The following PDLIM2 variants were observed in gnomAD, a reference collection of about 807,000 sequenced individuals.
PDLIM2 encodes the protein PDZ and LIM domain 2.
A neutral mutation model predicts 54.1 loss-of-function variants in PDLIM2; 51 were observed. The ratio of observed to expected loss-of-function variants is 0.94; its 90% CI spans 0.75 to 1.19. The LOEUF (loss-of-function observed/expected upper bound fraction) is 1.19, where lower values mean the gene tolerates loss of function less well. Among genes scored for constraint, PDLIM2 ranks in the 50% most tolerant of loss-of-function variants. The pLI is 0.00. For missense variants in PDLIM2, 912 were observed against 874.0 expected (o/e 1.04, Z -0.55); for synonymous variants, 398 against 385.6 (o/e 1.03, Z -0.38).
chr8:22,579,417 G>A, exon 1 of PDLIM2: 10 of 1,514,312 alleles, frequency 6.6e-6, no homozygotes, highest in Non-Finnish European at 8.8e-6. Flanking sequence ...CCAGCCCGCA[G>A]GGTACTTTGC....
intron 2 of PDLIM2, chr8:22,581,021 G>A (rs1800181517): frequency 1.5e-6 from 1 of 657,674 alleles, no homozygotes; most frequent in African/African-American, 1.8e-5. Flanking sequence ...GTCTCCTCTT[G>A]ACCTGGGCCC....
At chr8:22,591,821 T>C (rs1251006943) in intron 9 of PDLIM2, 153 bp downstream of exon 8, 2 of 661,112 alleles carry the variant, frequency 3.0e-6, no homozygotes, top group African/African-American at 3.7e-5. Context: ...TGCACAGCTT[T>C]GGGGGCATTA....
In PDLIM2 at chr8:22,585,081, C is replaced by T. The variant is rs977448506; in HGVS notation, c.1130C>T (p.Ser377Phe). 2.2e-5 allele frequency: 35 copies of T among 1,613,914 alleles called. 1 individual carries two copies. The highest frequency in any genetic ancestry group is 3.3e-5 in the South Asian group (3 of 91,096). Residue 377 changes from serine to phenylalanine, a missense_variant, in exon 5 of 10, where the codon TCC becomes TTC. By Grantham distance (155) the Ser-to-Phe change is radical. Transcript: ENST00000308354. ...AGGTCCTCCTACTCCAGCCCAACCT[C>T]CCTCAGCCCGAGGGCCGGCAGCCCC...
At chr8:22,589,916 T>C in intron 8 of PDLIM2, 175 bp downstream of exon 7, 1 of 362,420 alleles carries the variant, frequency 2.8e-6, no homozygotes, top group Admixed American at 6.5e-5. Context: ...GAGCTGACGG[T>C]CCGGGAGGGT....
At chr8:22,579,508 G>A in exon 1 of PDLIM2, 2 of 1,509,248 alleles carry the variant, frequency 1.3e-6, no homozygotes, top group East Asian at 2.7e-5. Flanking sequence ...GCAGCGCGGA[G>A]TCCACTGACC....
chr8:22,594,411 C>T, downstream of PDLIM2: 1 of 1,576,940 alleles, frequency 6.3e-7, no homozygotes, highest in Non-Finnish European at 8.6e-7. Flanking sequence ...TTTTCCCTCC[C>T]TCAAATCCCA....
chr8:22,580,894 G>A (rs1289172701), intron 2 of PDLIM2, 197 bp downstream of exon 1: 48 of 727,416 alleles, frequency 6.6e-5, no homozygotes, highest in South Asian at 1.2e-4. Context: ...GACCTTGGGA[G>A]TGAAAGGGAG....
At chr8:22,587,342 G>C (rs1198694154) in intron 6 of PDLIM2, among the ~76,000 whole-genome samples, 2 of 151,998 alleles carry the variant, frequency 1.3e-5, no homozygotes, top group East Asian at 3.9e-4. Context: ...GACCAGTTTG[G>C]GCAACATAGT....
At chr8:22,585,336 A>T in exon 6 of PDLIM2, 1 of 1,612,896 alleles carries the variant, frequency 6.2e-7, no homozygotes, top group Non-Finnish European at 8.5e-7. Context: ...AGAGTCTGGC[A>T]TGTTCCCCGG....
chr8:22,587,645 T>G (rs75622036), intron 6 of PDLIM2: 7,015 of 152,110 alleles, frequency 0.046, 236 homozygotes, highest in African/African-American at 0.092. Flanking sequence ...GTCTCTTCTG[T>G]GAAGGCAAGG....
chr8:22,590,087 G>A, intron 8 of PDLIM2: 1 of 296,886 alleles, frequency 3.4e-6, no homozygotes, highest in Non-Finnish European at 6.4e-6. Flanking sequence ...CTTGGCCTTA[G>A]AAAAAACATC....
chr8:22,589,208 C>T (rs1003193573), intron 6 of PDLIM2, 90 bp from the exon 6 acceptor site: 93 of 1,407,546 alleles, frequency 6.6e-5, no homozygotes, highest in Middle Eastern at 2.4e-4. Flanking sequence ...CCCCTGGTGT[C>T]GGGCCTGGGA....
chr8:22,579,131 G>C (rs1800113907), exon 1 of PDLIM2: 2 of 1,306,890 alleles, frequency 1.5e-6, no homozygotes, highest in Non-Finnish European at 1.9e-6. Flanking sequence ...GCTCTCCCCA[G>C]AGTCGGGTAG....
intron 6 of PDLIM2, among the ~76,000 whole-genome samples, chr8:22,585,975 A>G (rs368357842): frequency 3.3e-5 from 5 of 151,810 alleles, no homozygotes; most frequent in African/African-American, 1.2e-4. Flanking sequence ...CCCTGGTGAC[A>G]GCCTAACCCC....
chr8:22,593,928 C>G lies in PDLIM2; in HGVS notation c.*18C>G, dbSNP rs2117373217. ...GGGCCTGAGCCCGCCATGCCCTCAG[C>G]CTGCCTCACTGCTGGGCCAGGGTCA... On this transcript the variant is annotated 3_prime_UTR_variant, in exon 10 of 10. Transcript: ENST00000308354. The G allele has an allele frequency of 2.6e-6, 4 of 1,546,118 alleles. No individual in the cohort carries two copies. In the South Asian group the frequency reaches 4.8e-5, roughly 18 times the overall value.
At chr8:22,594,815 G>A, downstream of PDLIM2, 1 of 1,152,992 alleles carries the variant, frequency 8.7e-7, no homozygotes, top group Non-Finnish European at 1.2e-6. Context: ...TTTAGGCCCA[G>A]GTACTGGGGA....
At chr8:22,589,676 G>A (rs779427808) in exon 8 of PDLIM2, 15 of 1,578,030 alleles carry the variant, frequency 9.5e-6, no homozygotes, top group East Asian at 2.3e-5. Context: ...CGCGAGGGAC[G>A]GGCGGCCCCC....
intron 1 of PDLIM2, chr8:22,579,546 G>T (rs760627111): frequency 6.9e-7 from 1 of 1,447,146 alleles, no homozygotes; most frequent in East Asian, 2.9e-5. Flanking sequence ...ATCTCGGGGC[G>T]GCCGCGAGCC....
At position 22,589,281 on chromosome 8, in the gene PDLIM2, C is replaced by T. The variant is rs1800464270; in HGVS notation, c.1291-17C>T. On this transcript the variant is annotated splice_polypyrimidine_tract_variant and intron_variant, in intron 6 of 9. Transcript: ENST00000308354. ...GGCTCTGGCCCTGACTCCTCCCCGG[C>T]TGCCTCCTCCCAACAGGCCGGCCTC... 1 of 1,533,716 alleles carries T rather than the reference C, an allele frequency of 6.5e-7. No homozygotes were observed. The highest frequency in any genetic ancestry group is 8.7e-7 in the Non-Finnish European group (1 of 1,146,242).
Sources: gnomAD v4.1 joint callset for allele counts (sites outside exome capture counted in the v4.1 genomes callset) on GRCh38, gnomAD v4.1.1 for gene constraint, MANE v1.5 for transcripts, NCBI Gene and HGNC (gene_info 2026-07-23, HGNC 2026-07-21) for gene names.